Variants in SEMA3A observed in about 807,000 individuals in gnomAD.
SEMA3A encodes semaphorin-3A.
Under a neutral mutation model 97.9 loss-of-function variants are expected in SEMA3A, and 29 were observed. The observed-to-expected ratio is 0.30, with a 90% CI of 0.22 to 0.40. The LOEUF is 0.40. SEMA3A is among the 10% of genes least tolerant of loss of function. The pLI is 1.00. For synonymous variants in SEMA3A, 321 were observed against 323.7 expected (o/e 0.99, Z 0.09); for missense variants, 763 against 951.3 (o/e 0.80, Z 2.60).
At chr7:84,063,014 G>T (rs375117509) in intron 4 of SEMA3A, among the ~76,000 whole-genome samples, 3,249 of 151,810 alleles carry the variant, frequency 0.021, 75 homozygotes, top group African/African-American at 0.06. Flanking sequence ...GACTTAAATG[G>T]CCCTGTCTGA....
chr7:84,416,854 G>T (rs1179141687), intron 1 of SEMA3A, among the ~76,000 whole-genome samples: 5 of 152,048 alleles, frequency 3.3e-5, no homozygotes, highest in African/African-American at 7.2e-5. Flanking sequence ...TGGAGCAAAA[G>T]ACAAACTTTC....
At chr7:84,392,451 T>C (rs1447361168) in intron 1 of SEMA3A, among the ~76,000 whole-genome samples, 1 of 152,192 alleles carries the variant, frequency 6.6e-6, no homozygotes, top group East Asian at 1.9e-4. Flanking sequence ...TACCACATTT[T>C]CTTTATCTCT....
chr7:84,031,081 C>T (rs1042840234), intron 6 of SEMA3A, among the ~76,000 whole-genome samples: 2 of 150,604 alleles, frequency 1.3e-5, no homozygotes, highest in African/African-American at 4.9e-5. Flanking sequence ...CAACCTCCGC[C>T]TCACAGATGC....
At chr7:84,263,765 A>T (rs761778262) in intron 3 of SEMA3A, among the ~76,000 whole-genome samples, 1 of 152,192 alleles carries the variant, frequency 6.6e-6, no homozygotes, top group Non-Finnish European at 1.5e-5. Flanking sequence ...ATATCGTTAC[A>T]GTGCTTAGTA....
At chr7:84,327,742 A>T (rs1432149373) in intron 2 of SEMA3A, among the ~76,000 whole-genome samples, 1 of 151,980 alleles carries the variant, frequency 6.6e-6, no homozygotes, top group African/African-American at 2.4e-5. Flanking sequence ...CTGCTAGCTA[A>T]TGCAAGTAAT....
chr7:84,060,961 T>G (rs1793193164), intron 4 of SEMA3A, among the ~76,000 whole-genome samples: 1 of 152,228 alleles, frequency 6.6e-6, no homozygotes, highest in Non-Finnish European at 1.5e-5. Flanking sequence ...AAATAGCAAT[T>G]CACTACGTTA....
chr7:83,967,957 T>G (rs567627296), intron 15 of SEMA3A, among the ~76,000 whole-genome samples: 4 of 152,298 alleles, frequency 2.6e-5, no homozygotes, highest in African/African-American at 9.6e-5. Flanking sequence ...ATCCTCTAGC[T>G]ATTTTGAAAT....
intron 3 of SEMA3A, among the ~76,000 whole-genome samples, chr7:84,261,220 A>AGTCTGTGGAGAC (rs1799849628): frequency 6.6e-6 from 1 of 152,096 alleles, no homozygotes; most frequent in South Asian, 2.1e-4. Context: ...ACTCACTTTG[A>AGTCTGTGGAGAC]GTCTGTGGAG....
intron 2 of SEMA3A, among the ~76,000 whole-genome samples, chr7:84,333,595 A>T (rs553202737): frequency 6.6e-6 from 1 of 152,188 alleles, no homozygotes; most frequent in East Asian, 1.9e-4. Context: ...TCCAAAGAAA[A>T]ATTGAAATGC....
chr7:84,012,899 G>T (rs1462335447), intron 7 of SEMA3A, among the ~76,000 whole-genome samples: 2 of 151,986 alleles, frequency 1.3e-5, no homozygotes, highest in Non-Finnish European at 2.9e-5. Context: ...ACACCTTAGA[G>T]ATTTTTTTTA....
chr7:84,314,715 GA>G (rs1801450475), intron 2 of SEMA3A, among the ~76,000 whole-genome samples: 1 of 152,164 alleles, frequency 6.6e-6, no homozygotes, highest in African/African-American at 2.4e-5. Flanking sequence ...GCATATAGAA[GA>G]TAGCATATCA....
chr7:84,288,244 C>T (rs1369874452), intron 3 of SEMA3A, among the ~76,000 whole-genome samples: 1 of 151,886 alleles, frequency 6.6e-6, no homozygotes, highest in Non-Finnish European at 1.5e-5. Context: ...GCCCACCATG[C>T]CCAGCTAATC....
At chr7:84,296,973 A>G (rs2115807319) in intron 3 of SEMA3A, among the ~76,000 whole-genome samples, 1 of 151,974 alleles carries the variant, frequency 6.6e-6, no homozygotes, top group East Asian at 1.9e-4. Context: ...CTTTTCTGAG[A>G]TTTATTTTTA....
rs1181514187 is a variant in SEMA3A, at chr7:84,340,463, T to G, written c.-169+31361A>C. Among the ~76,000 whole-genome samples the G allele has an allele frequency of 6.6e-5, 10 of 152,284 alleles. No homozygotes were observed. In the East Asian group the frequency reaches 1.9e-3, roughly 29 times the overall value. On this transcript the variant is annotated intron_variant, in intron 2 of 3. Transcript: ENST00000424555. ...AACTATGCTATTAATAAATTTGTAA[T>G]TGTTTCAACATTTCTGATGAAAATG...
intron 9 of SEMA3A, 61 bp from the exon 10 acceptor site, chr7:84,007,558 T>A: frequency 8.2e-7 from 1 of 1,219,928 alleles, no homozygotes; most frequent in Non-Finnish European, 1.1e-6. Flanking sequence ...AAGAGAAATA[T>A]TGATACTGAG....
chr7:84,138,526 G>T (rs548583597), intron 1 of SEMA3A, among the ~76,000 whole-genome samples: 1 of 152,014 alleles, frequency 6.6e-6, no homozygotes, highest in South Asian at 2.1e-4. Flanking sequence ...TGTTTCCTAC[G>T]TACAGACAAC....
At chr7:84,159,796 A>G (rs1796970422) in intron 1 of SEMA3A, among the ~76,000 whole-genome samples, 1 of 152,182 alleles carries the variant, frequency 6.6e-6, no homozygotes, top group Non-Finnish European at 1.5e-5. Context: ...GAAAGATCCA[A>G]TTTTGCCATT....
intron 1 of SEMA3A, among the ~76,000 whole-genome samples, chr7:84,147,973 G>A (rs988556436): frequency 6.6e-6 from 1 of 151,974 alleles, no homozygotes; most frequent in East Asian, 1.9e-4. Context: ...GCAGTAGCAT[G>A]ATCTTGGCTC....
chr7:83,961,407 C>T lies in SEMA3A; in HGVS notation c.2280G>A (p.Arg760=), dbSNP rs1480516353. The T allele has an allele frequency of 5.6e-6, 9 of 1,613,902 alleles. No individual in the cohort carries two copies. Among genetic ancestry groups the T allele is most frequent in the Non-Finnish European group, 5.9e-6 (7 of 1,179,946 alleles). ...LQENKKGRNR[R]THEFERAPRS... The stretch of plus-strand genomic sequence containing the variant: ...TGGGTGCCCTCTCAAATTCGTGGGT[C>T]CTCCTGTTTCTACCTTTCTTATTTT... Residue 760 remains arginine (R), a synonymous_variant, in exon 17 of 17, where the codon AGG becomes AGA. Coordinates refer to ENST00000265362, the MANE Select transcript of SEMA3A (RefSeq NM_006080.3).
Sources: gnomAD v4.1 joint callset for allele counts (sites outside exome capture counted in the v4.1 genomes callset) on GRCh38, gnomAD v4.1.1 for gene constraint, MANE v1.5 for transcripts, NCBI Gene and HGNC (gene_info 2026-07-23, HGNC 2026-07-21) for gene names.